OR4A15: variants seen among roughly 807,000 people sequenced by gnomAD.
OR4A15 encodes olfactory receptor 4A15.
For synonymous variants in OR4A15, 240 were observed against 135.6 expected, an observed-to-expected ratio of 1.77 and a Z score of -5.35; for missense variants, 657 against 374.7, an observed-to-expected ratio of 1.75 and a Z score of -6.22.
chr11:55,368,875 G>T (rs1389936941), exon 1 of OR4A15: 2 of 1,607,888 alleles, frequency 1.2e-6, no homozygotes, highest in African/African-American at 1.3e-5. Flanking sequence ...AAACTTTGGA[G>T]TAAAAAAGTA....
chr11:55,368,054 C>T (rs776561607), exon 1 of OR4A15: 1 of 1,613,552 alleles, frequency 6.2e-7, no homozygotes, highest in Non-Finnish European at 8.5e-7. Flanking sequence ...TTTTATTTGT[C>T]ACATTCTTAC....
chr11:55,368,208 A>G, exon 1 of OR4A15: 1 of 1,613,700 alleles, frequency 6.2e-7, no homozygotes. Context: ...TGCTCCCAAA[A>G]TGATTGTTGA....
At chr11:55,368,833 T>A in exon 1 of OR4A15, 1 of 1,613,208 alleles carries the variant, frequency 6.2e-7, no homozygotes, top group Non-Finnish European at 8.5e-7. Flanking sequence ...ATCTATACCC[T>A]GAAGAATGCA....
In OR4A15 at chr11:55,368,577, G is replaced by T. The variant is rs747601331; in HGVS notation, c.604G>T (p.Gly202Ter). ...TGGGCTTTCTATGATAGCTAATGGA[G>T]GAGCGATTTGTGCTGTCACCTTCTT... The change falls in exon 1 of 1, where the codon GGA becomes TGA. Residue 202 changes from glycine to a stop codon, truncating the protein, a stop_gained. Coordinates refer to ENST00000641526, the Ensembl canonical transcript of OR4A15. LOFTEE classifies it low-confidence loss of function (END_TRUNC). 1.2e-5 allele frequency: 19 copies of T among 1,613,566 alleles called. No homozygotes were observed. Among genetic ancestry groups the T allele is most frequent in the Non-Finnish European group, 1.6e-5 (19 of 1,179,768 alleles).
At chr11:55,368,895 G>T (rs1366841419) in exon 1 of OR4A15, 1 of 1,604,240 alleles carries the variant, frequency 6.2e-7, no homozygotes, top group African/African-American at 1.3e-5. Context: ...AAGCTTAGCT[G>T]GGAAATGGCT....
exon 1 of OR4A15, chr11:55,368,345 C>G (rs1289408185): frequency 6.2e-7 from 1 of 1,612,228 alleles, no homozygotes; most frequent in Non-Finnish European, 8.5e-7. Flanking sequence ...ACATGGCCAT[C>G]TGTAAGCCTC....
exon 1 of OR4A15, chr11:55,368,213 T>C (rs61916184): frequency 2.2e-5 from 35 of 1,613,732 alleles, no homozygotes; most frequent in Non-Finnish European, 2.9e-5. Flanking sequence ...CCAAAATGAT[T>C]GTTGACTTGC....
At chr11:55,368,125 A>G (rs750938036) in exon 1 of OR4A15, 8 of 1,612,694 alleles carry the variant, frequency 5.0e-6, no homozygotes, top group Non-Finnish European at 6.8e-6. Flanking sequence ...ATGGCCAGCC[A>G]GTCCCTGGGT....
At chr11:55,368,618 C>T in exon 1 of OR4A15, 1 of 1,613,690 alleles carries the variant, frequency 6.2e-7, no homozygotes, top group East Asian at 2.2e-5. Flanking sequence ...TCCTGCTTTC[C>T]TATGGGGTCA....
At chr11:55,368,401 T>C in exon 1 of OR4A15, 1 of 1,613,816 alleles carries the variant, frequency 6.2e-7, no homozygotes, top group Middle Eastern at 1.7e-4. Flanking sequence ...GTTCTTATGC[T>C]GTTGGCGGCC....
chr11:55,368,658 G>A, exon 1 of OR4A15: 1 of 1,613,692 alleles, frequency 6.2e-7, no homozygotes, highest in Non-Finnish European at 8.5e-7. Context: ...TCAGAGTTTG[G>A]AAGGGAAACG....
chr11:55,368,373 A>G (rs1565112874), exon 1 of OR4A15: 3 of 1,613,562 alleles, frequency 1.9e-6, no homozygotes, highest in Admixed American at 1.7e-5. Context: ...ATTGATCACC[A>G]TGAATCGTCG....
chr11:55,368,916 T>G (rs147499508), exon 1 of OR4A15: 2 of 1,573,598 alleles, frequency 1.3e-6, no homozygotes, highest in South Asian at 1.2e-5. Flanking sequence ...GTATCACTCA[T>G]GAGAATGTGA....
chr11:55,368,638 C>A (rs139908604), exon 1 of OR4A15: 5 of 1,613,598 alleles, frequency 3.1e-6, no homozygotes, highest in Non-Finnish European at 4.2e-6. Flanking sequence ...ATATTACACT[C>A]TCTTAAGACT....
rs201833967 is a variant in OR4A15, at chr11:55,368,332, G to T, written c.359G>T (p.Arg120Leu). The change falls in exon 1 of 1, where the codon CGA (arginine) becomes CTA (leucine). Residue 120 changes from arginine to leucine, a missense_variant. By Grantham distance (102) the Arg-to-Leu change is moderately radical. Transcript: ENST00000641526. Reference sequence around the variant, plus strand: ...CTTCTGGTGGTAATGGCCTATGATCGATACATGGCCATCTGTAAGCCTCTT... The same window carrying T: ...CTTCTGGTGGTAATGGCCTATGATCTATACATGGCCATCTGTAAGCCTCTT... 7 of 1,613,068 alleles carry T rather than the reference G, an allele frequency of 4.3e-6. No individual in the cohort carries two copies. In the Admixed American group the frequency reaches 5.0e-5, roughly 12 times the overall value.
exon 1 of OR4A15, chr11:55,368,758 C>G: frequency 1.2e-6 from 2 of 1,613,786 alleles, no homozygotes; most frequent in East Asian, 2.2e-5. Context: ...CCCAATTCTA[C>G]TTTTCCCATT....
chr11:55,368,237 G>A (rs373928337), exon 1 of OR4A15: 4 of 1,613,682 alleles, frequency 2.5e-6, no homozygotes, highest in South Asian at 1.1e-5. Flanking sequence ...CTGAGAAAAA[G>A]ACCATTTCCT....
chr11:55,368,266 A>C, exon 1 of OR4A15: 1 of 1,613,914 alleles, frequency 6.2e-7, no homozygotes. Flanking sequence ...TGTATGGCTC[A>C]ACTTTTTATG....
At chr11:55,368,625 G>T (rs748895691) in exon 1 of OR4A15, 1 of 1,613,694 alleles carries the variant, frequency 6.2e-7, no homozygotes, top group South Asian at 1.1e-5. Flanking sequence ...TTCCTATGGG[G>T]TCATATTACA....
Sources: gnomAD v4.1 joint callset for allele counts on GRCh38, gnomAD v4.1.1 for gene constraint, MANE v1.5 for transcripts, NCBI Gene and HGNC (gene_info 2026-07-23, HGNC 2026-07-21) for gene names.